Variants in UBE3B observed in about 807,000 individuals in gnomAD.
UBE3B encodes ubiquitin protein ligase E3B, also known as ubiquitin-protein ligase E3B.
In UBE3B, 80 loss-of-function variants were observed where a neutral mutation model predicts 132.3. The ratio of observed to expected loss-of-function variants is 0.60; its 90% CI spans 0.50 to 0.73. The LOEUF is 0.73. UBE3B is among the 30% of genes least tolerant of loss of function. The probability of loss-of-function intolerance (pLI) is 0.00; values close to 1 mark genes in which losing one functional copy is unlikely to be tolerated. For missense variants in UBE3B, 1,196 were observed against 1,362.5 expected, an observed-to-expected ratio of 0.88 and a Z score of 1.92; for synonymous variants, 487 against 520.4, an observed-to-expected ratio of 0.94 and a Z score of 0.87.
At chr12:109,546,973 C>T in the UBE3B span, among the ~76,000 whole-genome samples, 1 of 152,156 alleles carries the variant, frequency 6.6e-6, no homozygotes, top group Admixed American at 6.5e-5. Flanking sequence ...GCCTCCCAAA[C>T]TGCTGGGATT....
intron 19 of UBE3B, among the ~76,000 whole-genome samples, chr12:109,517,117 G>T (rs529954423): frequency 6.6e-6 from 1 of 152,286 alleles, no homozygotes; most frequent in Non-Finnish European, 1.5e-5. Context: ...CCCCATGAGA[G>T]CTAGAGTATC....
chr12:109,508,893 G>A (rs944621986), intron 15 of UBE3B: 7 of 332,632 alleles, frequency 2.1e-5, no homozygotes, highest in Admixed American at 1.9e-4. Context: ...CTTAGATATC[G>A]AAAAGATTCT....
chr12:109,534,488 C>G lies in UBE3B; in HGVS notation c.3016-103C>G. ...AGCGCCCTGCACTCTGCCCAGCATC[C>G]AGGGACTGGCCAGATCCCCTCCCTG... On this transcript the variant is annotated intron_variant, in intron 27 of 27. Coordinates refer to ENST00000342494, the MANE Select transcript of UBE3B (RefSeq NM_130466.4). The surrounding 1 kb of genome is among the most constrained non-coding windows in gnomAD (Gnocchi z 5.2). 6.7e-7 allele frequency: 1 copy of G among 1,494,412 alleles called. No homozygotes were observed. The highest frequency in any genetic ancestry group is 8.9e-7 in the Non-Finnish European group (1 of 1,124,378). The allele number at this position is 1,494,412 out of a possible 1,614,324, so 92.6% of individuals were successfully genotyped here.
At chr12:109,510,501 C>T (rs1377176941) in intron 17 of UBE3B, 43 bp downstream of exon 17, 9 of 1,493,310 alleles carry the variant, frequency 6.0e-6, no homozygotes, top group Admixed American at 1.8e-5. Flanking sequence ...AGCCAGCCTG[C>T]TCCGGCACGC....
Position 109,506,449 on chromosome 12 carries a change from A to G in UBE3B, c.1451-1115A>G, listed in dbSNP as rs370069736. ...CTGCAACCTCTGCCTCCCAGGTTCA[A>G]GCGATTCTCCTGCCTCAGCCTCCTG... On this transcript the variant is annotated intron_variant, in intron 14 of 27. Coordinates refer to ENST00000342494, the MANE Select transcript of UBE3B (RefSeq NM_130466.4). 7.8e-4 allele frequency among the ~76,000 whole-genome samples: 119 copies of G among 152,258 alleles called. 3 individuals carry two copies. The East Asian group carries it at 0.017, about 21-fold the overall frequency.
chr12:109,504,138 G>A (rs2135945793), intron 14 of UBE3B, among the ~76,000 whole-genome samples: 1 of 152,382 alleles, frequency 6.6e-6, no homozygotes, highest in South Asian at 2.1e-4. Context: ...GGCTACAGCA[G>A]GATTTCTCAG....
chr12:109,500,832 G>A (rs78831476), intron 12 of UBE3B, among the ~76,000 whole-genome samples: 1,576 of 152,338 alleles, frequency 0.01, 44 homozygotes, highest in African/African-American at 0.036. Context: ...AGGCCTGGCC[G>A]TACTCAGGGG....
At chr12:109,488,128 A>ATGAGGAAACCGAGGCACAGAAAGG in intron 6 of UBE3B, among the ~76,000 whole-genome samples, 1 of 152,226 alleles carries the variant, frequency 6.6e-6, no homozygotes, top group African/African-American at 2.4e-5. Flanking sequence ...TGGTCAACAG[A>ATGAGGAAACCGAGGCACAGAAAGG]TGAGGAAACC....
chr12:109,540,268 C>T (rs900294228), downstream of UBE3B, among the ~76,000 whole-genome samples: 6 of 152,062 alleles, frequency 3.9e-5, no homozygotes, highest in South Asian at 8.3e-4. Context: ...ATTGCCCAGG[C>T]GCAATCTTGG....
intron 8 of UBE3B, chr12:109,490,501 G>C: frequency 1.3e-6 from 2 of 1,535,898 alleles, no homozygotes; most frequent in Non-Finnish European, 1.7e-6. Context: ...GCTGTGATGG[G>C]CTGTTTCCTG....
At position 109,521,631 on chromosome 12, in the gene UBE3B, C is replaced by A; in HGVS notation, c.2364+80C>A. ...GCTTCTTCACATACACATATGTGATCAGGCTTGGCCATGTAAACTGTCACT... is the reference window on the plus strand; with the variant it reads ...GCTTCTTCACATACACATATGTGATAAGGCTTGGCCATGTAAACTGTCACT... On this transcript the variant is annotated intron_variant, in intron 21 of 27. Transcript: ENST00000342494. This position sits in a 1 kb window ranked among gnomAD's most constrained non-coding sequence, Gnocchi z 4.2. 2 of 1,290,414 alleles carry A rather than the reference C, an allele frequency of 1.5e-6. No homozygotes were observed. Among genetic ancestry groups the A allele is most frequent in the South Asian group, 3.3e-5 (2 of 60,754 alleles). The allele number at this position is 1,290,414 out of a possible 1,614,324, so 79.9% of individuals were successfully genotyped here. A position where few individuals can be genotyped will look rare whatever the true frequency, so the allele number is the denominator to read the frequency against.
At position 109,524,043 on chromosome 12, in the gene UBE3B, C is replaced by T. The variant is rs150971562; in HGVS notation, c.2430C>T (p.Ser810=). The T allele has an allele frequency of 5.5e-3, 8,930 of 1,614,164 alleles. 33 individuals are homozygous for T. The highest frequency in any genetic ancestry group is 8.1e-3 in the South Asian group (741 of 91,080). ...FLSQLLGHHH[S]VFYSSVDELP... ...GCCAACTGCTTGGGCACCACCACAG[C>T]GTCTTCTATAGCTCGGTGGATGAAC... The change falls in exon 22 of 28, where the codon AGC becomes AGT. Residue 810 remains serine (S), a synonymous_variant. Coordinates refer to ENST00000342494, the MANE Select transcript of UBE3B (RefSeq NM_130466.4).
intron 24 of UBE3B, among the ~76,000 whole-genome samples, chr12:109,527,242 T>C (rs780979678): frequency 6.6e-6 from 1 of 152,152 alleles, no homozygotes; most frequent in Non-Finnish European, 1.5e-5. Flanking sequence ...GCAGAATCTA[T>C]CATAAATGTC....
At chr12:109,540,368 C>T (rs79056024), downstream of UBE3B, among the ~76,000 whole-genome samples, 4,170 of 152,212 alleles carry the variant, frequency 0.027, 203 homozygotes, top group African/African-American at 0.092. Context: ...TCACCACAAC[C>T]GGCTAGTTTA....
At chr12:109,526,219 G>T in intron 23 of UBE3B, 139 bp from the exon 24 acceptor site, 1 of 837,992 alleles carries the variant, frequency 1.2e-6, no homozygotes, top group South Asian at 1.6e-5. Flanking sequence ...GACTTTTTAT[G>T]AGAAAGGATG....
intron 6 of UBE3B, among the ~76,000 whole-genome samples, chr12:109,487,430 A>G (rs1271715287): frequency 6.6e-6 from 1 of 152,178 alleles, no homozygotes; most frequent in African/African-American, 2.4e-5. Context: ...GACCGCCCCC[A>G]ACCCCAGTAA....
At chr12:109,489,646 C>T (rs545907592) in intron 7 of UBE3B, among the ~76,000 whole-genome samples, 35 of 152,294 alleles carry the variant, frequency 2.3e-4, no homozygotes, top group Admixed American at 9.8e-4. Flanking sequence ...GTGCTACAGG[C>T]GCTCAGAGGC....
chr12:109,515,859 A>G (rs962491599), intron 18 of UBE3B, among the ~76,000 whole-genome samples: 2 of 151,948 alleles, frequency 1.3e-5, no homozygotes, highest in African/African-American at 4.8e-5. Context: ...GCAGAATCTT[A>G]AGAATAAGGA....
chr12:109,541,372 G>T (rs2136175612), downstream of UBE3B, among the ~76,000 whole-genome samples: 1 of 152,290 alleles, frequency 6.6e-6, no homozygotes, highest in South Asian at 2.1e-4. Flanking sequence ...CACCCTCAGT[G>T]ACTTGAGAGT....
Sources: allele counts gnomAD v4.1 joint callset (sites outside exome capture counted in the v4.1 genomes callset), GRCh38; gene constraint gnomAD v4.1.1; non-coding constraint Gnocchi (gnomAD v3.1); transcripts MANE v1.5; gene names NCBI Gene and HGNC (gene_info 2026-07-23, HGNC 2026-07-21).